Variants in KDM3A observed in about 807,000 individuals in gnomAD.
KDM3A encodes lysine demethylase 3A, also known as lysine-specific demethylase 3A.
Under a neutral mutation model 158.0 loss-of-function variants are expected in KDM3A, and 60 were observed. The observed-to-expected ratio is 0.38, with a 90% CI of 0.31 to 0.47. KDM3A has a LOEUF of 0.47. KDM3A is among the 20% of genes least tolerant of loss of function. The probability of loss-of-function intolerance (pLI) is 0.99; values close to 1 mark genes in which losing one functional copy is unlikely to be tolerated. For missense variants in KDM3A, 1,319 were observed against 1,574.3 expected, an observed-to-expected ratio of 0.84 and a Z score of 2.74; for synonymous variants, 608 against 549.3, an observed-to-expected ratio of 1.11 and a Z score of -1.49.
Position 86,485,878 on chromosome 2 carries a change from A to C in KDM3A, c.3313+19A>C, listed in dbSNP as rs943076812. On this transcript the variant is annotated intron_variant, in intron 21 of 25. Coordinates refer to ENST00000312912, the MANE Select transcript of KDM3A (RefSeq NM_018433.6). Reference sequence around the variant, plus strand: ...GCTTATGGTAAGGAGGAGATGGCTAACTTTAAAATGGAAATAAAACAATTC... The same window carrying C: ...GCTTATGGTAAGGAGGAGATGGCTACCTTTAAAATGGAAATAAAACAATTC... 5.0e-6 allele frequency: 8 copies of C among 1,601,122 alleles called. No individual in the cohort carries two copies. In the East Asian group the frequency reaches 1.8e-4, roughly 36 times the overall value.
chr2:86,474,526 G>C (rs1673562118), intron 11 of KDM3A, among the ~76,000 whole-genome samples: 1 of 152,028 alleles, frequency 6.6e-6, no homozygotes, highest in African/African-American at 2.4e-5. Flanking sequence ...AGGCGGGAGT[G>C]GTGGCAGGCG....
At chr2:86,465,709 C>T (rs1298583671) in intron 9 of KDM3A, among the ~76,000 whole-genome samples, 1 of 151,940 alleles carries the variant, frequency 6.6e-6, no homozygotes, top group Non-Finnish European at 1.5e-5. Context: ...GTGCCTTGCC[C>T]ATTGTTCGTT....
At chr2:86,484,802 A>G (rs919507658) in intron 19 of KDM3A, 140 bp from the exon 20 acceptor site, 13 of 556,006 alleles carry the variant, frequency 2.3e-5, no homozygotes, top group African/African-American at 1.5e-4. Context: ...TAATATTTGT[A>G]TACTAAATTT....
At chr2:86,455,257 A>T in intron 5 of KDM3A, 70 bp downstream of exon 5, 1 of 836,598 alleles carries the variant, frequency 1.2e-6, no homozygotes, top group Non-Finnish European at 1.9e-6. Context: ...ACTAGGGTTT[A>T]GCCTCTCATT....
chr2:86,477,189 G>A (rs370243560), intron 12 of KDM3A, among the ~76,000 whole-genome samples: 71 of 152,326 alleles, frequency 4.7e-4, no homozygotes, highest in African/African-American at 1.6e-3. Context: ...ATCCCCGGTC[G>A]TGCCTTAATC....
chr2:86,474,702 TGTGTGTGTGTGTGTGTGTGTGTG>T, intron 11 of KDM3A, 51 bp from the exon 12 acceptor site: 1 of 401,062 alleles, frequency 2.5e-6, no homozygotes, highest in East Asian at 3.8e-5. Context: ...GTAAATAAGT[TGTGTGTGTGTGTGTGTGTGTGTG>T]TGTGTGTGTG....
chr2:86,491,273 C>G lies in KDM3A; in HGVS notation c.3883C>G (p.Gln1295Glu), dbSNP rs367630615. The change falls in exon 25 of 26, where the codon CAG (glutamine) becomes GAG (glutamate). Residue 1295 changes from glutamine to glutamate, a missense_variant and splice_region_variant. Transcript: ENST00000312912. ...TCATACCAATCACGAAGATAAATTA[C>G]AGGTAAAAATAGCACCAATTCCTAG... ...QTHTNHEDKL[Q>E]VKNVIYHAVK... 6.2e-7 allele frequency: 1 copy of G among 1,613,464 alleles called. No homozygotes were observed. The highest frequency in any genetic ancestry group is 8.5e-7 in the Non-Finnish European group (1 of 1,179,582).
At chr2:86,453,939 A>G (rs1319141229) in intron 4 of KDM3A, among the ~76,000 whole-genome samples, 1 of 152,166 alleles carries the variant, frequency 6.6e-6, no homozygotes, top group Non-Finnish European at 1.5e-5. Context: ...TTGCCCTGCT[A>G]GAATTCGGTT....
intron 2 of KDM3A, among the ~76,000 whole-genome samples, chr2:86,446,769 T>C (rs1385286613): frequency 1.3e-5 from 2 of 152,196 alleles, no homozygotes; most frequent in Non-Finnish European, 2.9e-5. Context: ...TTTTGGGGGA[T>C]GTCATTAAGT....
intron 12 of KDM3A, 93 bp from the exon 13 acceptor site, chr2:86,477,784 T>A: frequency 1.7e-6 from 2 of 1,207,202 alleles, no homozygotes; most frequent in Non-Finnish European, 2.3e-6. Flanking sequence ...TGAAGTCTAG[T>A]CACAGGGAGG....
chr2:86,466,110 C>T (rs1213592079), intron 9 of KDM3A, among the ~76,000 whole-genome samples: 3 of 152,054 alleles, frequency 2.0e-5, no homozygotes, highest in Non-Finnish European at 2.9e-5. Context: ...GTAGAACTAA[C>T]GTAAGAAGTT....
At chr2:86,471,246 AAT>A (rs1000713472) in intron 11 of KDM3A, among the ~76,000 whole-genome samples, 9 of 151,340 alleles carry the variant, frequency 5.9e-5, no homozygotes, top group African/African-American at 1.9e-4. Flanking sequence ...TGTATATGTG[AAT>A]ATATGTGTGT....
intron 1 of KDM3A, 154 bp from the exon 2 acceptor site, chr2:86,441,864 G>T (rs1682728170): frequency 3.1e-6 from 1 of 324,408 alleles, no homozygotes; most frequent in African/African-American, 2.2e-5. Context: ...GGGCGGCGGG[G>T]GGCGGGAGGG....
intron 14 of KDM3A, 146 bp from the exon 15 acceptor site, chr2:86,478,462 C>A: frequency 2.1e-6 from 2 of 960,906 alleles, no homozygotes; most frequent in Middle Eastern, 2.2e-4. Flanking sequence ...AAAGAAAATG[C>A]ATTTTGGGGA....
intron 8 of KDM3A, 29 bp downstream of exon 8, chr2:86,457,100 A>G (rs750720651): frequency 2.7e-6 from 3 of 1,116,672 alleles, no homozygotes; most frequent in South Asian, 4.3e-5. Context: ...ACTTGTGTAA[A>G]GCTTTCCTTA....
intron 8 of KDM3A, among the ~76,000 whole-genome samples, chr2:86,461,206 T>A (rs1672914621): frequency 6.6e-6 from 1 of 152,176 alleles, no homozygotes; most frequent in African/African-American, 2.4e-5. Context: ...TCTTCATCAC[T>A]GTGCTGTTGC....
At position 86,482,046 on chromosome 2, in the gene KDM3A, G is replaced by A. The variant is rs764087157; in HGVS notation, c.2629G>A (p.Val877Ile). ...GTTTAACAGCACAATTTTGACACCC[G>A]TAAGCAACAACAATTCTGGTTTCCT... ...HTFNSTILTP[V>I]SNNNSGFLRN... Residue 877 changes from valine (V) to isoleucine (I), a missense_variant, in exon 17 of 26, where the codon GTA becomes ATA. Val to Ile is a conservative substitution (Grantham distance 29). Coordinates refer to ENST00000312912, the MANE Select transcript of KDM3A (RefSeq NM_018433.6). The A allele has an allele frequency of 2.5e-6, 4 of 1,613,942 alleles. No individual in the cohort carries two copies. Among genetic ancestry groups the A allele is most frequent in the Admixed American group, 1.7e-5 (1 of 59,994 alleles).
At position 86,465,938 on chromosome 2, in the gene KDM3A, C is replaced by CA. The variant is rs10541366; in HGVS notation, c.1008-415dup. Among the ~76,000 whole-genome samples the CA allele has an allele frequency of 3.3e-3, 394 of 117,966 alleles. 1 individual carries two copies. The highest frequency in any genetic ancestry group is 7.7e-3 in the Admixed American group (87 of 11,364). 77.4% of individuals were successfully genotyped at this position (117,966 alleles called of 152,430 possible). ...CAGAGGTTTCTCTGAAATTTACACA[C>CA]AAAAAAAAAAAAAAAAAAAGAAGAA... On this transcript the variant is annotated intron_variant, in intron 9 of 25. Coordinates refer to ENST00000312912, the MANE Select transcript of KDM3A (RefSeq NM_018433.6).
intron 20 of KDM3A, 51 bp downstream of exon 20, chr2:86,485,080 T>G (rs962809536): frequency 9.4e-7 from 1 of 1,062,134 alleles, no homozygotes; most frequent in African/African-American, 1.6e-5. Context: ...CTTGGTAGGA[T>G]AAATTCTTTT....
Sources: allele counts gnomAD v4.1 joint callset (sites outside exome capture counted in the v4.1 genomes callset), GRCh38; gene constraint gnomAD v4.1.1; transcripts MANE v1.5; gene names NCBI Gene and HGNC (gene_info 2026-07-23, HGNC 2026-07-21).